XKR6: variants seen among roughly 807,000 people sequenced by gnomAD.
XKR6 encodes XK-related protein 6.
Under a neutral mutation model 56.7 loss-of-function variants are expected in XKR6, and 22 were observed. That is an observed-to-expected ratio of 0.39 (90% CI 0.28 to 0.55). The LOEUF (loss-of-function observed/expected upper bound fraction) is 0.55. Among genes scored for constraint, XKR6 ranks in the 20% least tolerant of loss-of-function variants. The pLI is 0.66. For missense variants in XKR6, 852 were observed against 889.0 expected (o/e 0.96, Z 0.53); for synonymous variants, 524 against 387.8 (o/e 1.35, Z -4.13).
chr8:11,076,110 G>A (rs989150356), intron 1 of XKR6, among the ~76,000 whole-genome samples: 23 of 152,196 alleles, frequency 1.5e-4, no homozygotes, highest in African/African-American at 5.3e-4. Flanking sequence ...TGAAAGAAAT[G>A]AGCCCGTCAC....
chr8:11,193,380 G>A (rs533680987), intron 1 of XKR6, among the ~76,000 whole-genome samples: 3 of 152,148 alleles, frequency 2.0e-5, no homozygotes, highest in African/African-American at 4.8e-5. Flanking sequence ...GGGTGCTGTA[G>A]TATGTTTTGA....
intron 1 of XKR6, among the ~76,000 whole-genome samples, chr8:11,079,725 C>T (rs533850768): frequency 1.3e-5 from 2 of 152,146 alleles, no homozygotes; most frequent in Non-Finnish European, 2.9e-5. Context: ...TTTGGGAGGC[C>T]AATGTGGCAA....
At chr8:11,103,423 C>T (rs1798559953) in intron 1 of XKR6, among the ~76,000 whole-genome samples, 2 of 152,190 alleles carry the variant, frequency 1.3e-5, no homozygotes. Flanking sequence ...TCTGAGCTGT[C>T]CCAGAGCCAC....
intron 1 of XKR6, among the ~76,000 whole-genome samples, chr8:10,939,629 G>C (rs1454496896): frequency 6.6e-6 from 1 of 152,228 alleles, no homozygotes; most frequent in Non-Finnish European, 1.5e-5. Context: ...GGGAGTGGTG[G>C]TCACGCAGAA....
intron 1 of XKR6, chr8:11,138,016 C>A (rs1043576054): frequency 4.4e-5 from 13 of 297,396 alleles, no homozygotes; most frequent in African/African-American, 2.9e-4. Context: ...CGGAAGACAT[C>A]AGAGCAGAAG....
chr8:11,093,482 C>G (rs892326741), intron 1 of XKR6, among the ~76,000 whole-genome samples: 2 of 152,240 alleles, frequency 1.3e-5, no homozygotes, highest in African/African-American at 4.8e-5. Flanking sequence ...TCCCCGCACT[C>G]CACTGTGGGT....
intron 1 of XKR6, among the ~76,000 whole-genome samples, chr8:10,947,616 G>A (rs1801591020): frequency 6.6e-6 from 1 of 152,212 alleles, no homozygotes; most frequent in South Asian, 2.1e-4. Context: ...AGACAGCACA[G>A]TGTAGCCCCC....
intron 1 of XKR6, chr8:11,128,749 T>C (rs1586586092): frequency 2.3e-6 from 1 of 433,110 alleles, no homozygotes; most frequent in East Asian, 7.1e-5. Flanking sequence ...CATCATCCTT[T>C]CCAACTTTCT....
At position 10,897,871 on chromosome 8, in the gene XKR6, A is replaced by T; in HGVS notation, c.*81T>A. On this transcript the variant is annotated 3_prime_UTR_variant, in exon 3 of 3. Coordinates refer to ENST00000416569, the MANE Select transcript of XKR6 (RefSeq NM_173683.4). ...TGGCGGTGGTTCTGTGTATTGGGGG[A>T]AGGGAGGGTTATATTTCTTGCAAGT... 1 of 1,480,228 alleles carries T rather than the reference A, an allele frequency of 6.8e-7. No individual in the cohort carries two copies. The highest frequency in any genetic ancestry group is 1.4e-5 in the African/African-American group (1 of 69,712). The allele number at this position is 1,480,228 out of a possible 1,614,324, so 91.7% of individuals were successfully genotyped here.
intron 1 of XKR6, among the ~76,000 whole-genome samples, chr8:11,015,630 G>A (rs1168926866): frequency 6.6e-6 from 1 of 152,176 alleles, no homozygotes; most frequent in African/African-American, 2.4e-5. Context: ...GGCAAGAAGC[G>A]GGGCTGGCTG....
chr8:11,074,306 T>C (rs1010507057), intron 1 of XKR6, among the ~76,000 whole-genome samples: 1 of 152,122 alleles, frequency 6.6e-6, no homozygotes, highest in Non-Finnish European at 1.5e-5. Context: ...TCCTCTGTCT[T>C]AGGAGCCCCC....
intron 1 of XKR6, among the ~76,000 whole-genome samples, chr8:11,087,686 T>A (rs1351351378): frequency 6.6e-6 from 1 of 152,210 alleles, no homozygotes; most frequent in Non-Finnish European, 1.5e-5. Flanking sequence ...GGACTTCCAA[T>A]GTCATCTCTG....
At chr8:11,106,479 C>A (rs998883137) in intron 1 of XKR6, 12 of 152,280 alleles carry the variant, frequency 7.9e-5, no homozygotes, top group African/African-American at 2.9e-4. Context: ...CACACCAACA[C>A]CCAGGAGAGG....
At chr8:10,973,234 G>A (rs1269016506) in intron 1 of XKR6, among the ~76,000 whole-genome samples, 1 of 152,168 alleles carries the variant, frequency 6.6e-6, no homozygotes, top group Non-Finnish European at 1.5e-5. Context: ...CATCACTAAT[G>A]GGTCATATAT....
intron 1 of XKR6, among the ~76,000 whole-genome samples, chr8:11,045,902 T>C (rs2129157816): frequency 6.6e-6 from 1 of 152,178 alleles, no homozygotes; most frequent in African/African-American, 2.4e-5. Context: ...ACAGCCAGAG[T>C]AGGATGGCTG....
intron 1 of XKR6, among the ~76,000 whole-genome samples, chr8:10,980,300 G>A (rs1357383017): frequency 6.6e-6 from 1 of 152,202 alleles, no homozygotes; most frequent in African/African-American, 2.4e-5. Flanking sequence ...AGATGGGTAA[G>A]AAAAGCCCCC....
At chr8:11,089,379 CTAGTGT>C in intron 1 of XKR6, among the ~76,000 whole-genome samples, 1 of 152,240 alleles carries the variant, frequency 6.6e-6, no homozygotes, top group South Asian at 2.1e-4. Context: ...GCCTGTAATC[CTAGTGT>C]TTTAGTAGGC....
chr8:11,138,319 C>A (rs1369675616), intron 1 of XKR6: 2 of 152,456 alleles, frequency 1.3e-5, no homozygotes, highest in Non-Finnish European at 2.9e-5. Flanking sequence ...GTTAGAACCA[C>A]CTTACTGAGG....
chr8:11,003,115 C>T (rs1166031521), intron 1 of XKR6, among the ~76,000 whole-genome samples: 1 of 152,150 alleles, frequency 6.6e-6, no homozygotes, highest in Non-Finnish European at 1.5e-5. Flanking sequence ...CAGGTTAATT[C>T]AGGAAGCATC....
Sources: allele counts gnomAD v4.1 joint callset (sites outside exome capture counted in the v4.1 genomes callset), GRCh38; gene constraint gnomAD v4.1.1; transcripts MANE v1.5; gene names NCBI Gene and HGNC (gene_info 2026-07-23, HGNC 2026-07-21).